TMEM135: variants seen among roughly 807,000 people sequenced by gnomAD.
The protein encoded by TMEM135 is peroxisomal membrane protein 52.
In TMEM135, 30 loss-of-function variants were observed where a neutral mutation model predicts 60.3. That is an observed-to-expected ratio of 0.50 (90% CI 0.37 to 0.68). The LOEUF (loss-of-function observed/expected upper bound fraction) is 0.68, where lower values mean the gene tolerates loss of function less well. TMEM135 is among the 30% of genes least tolerant of loss of function. The probability of loss-of-function intolerance (pLI) is 0.00; values close to 1 mark genes in which losing one functional copy is unlikely to be tolerated. For missense variants in TMEM135, 468 were observed against 548.8 expected, an observed-to-expected ratio of 0.85 and a Z score of 1.47; for synonymous variants, 190 against 186.7, an observed-to-expected ratio of 1.02 and a Z score of -0.14.
intron 11 of TMEM135, 134 bp from the exon 12 acceptor site, chr11:87,314,337 G>A: frequency 1.4e-6 from 1 of 737,580 alleles, no homozygotes; most frequent in Admixed American, 2.1e-5. Context: ...ATGTCATCTG[G>A]TTTATTACTG....
At chr11:87,312,614 G>C in intron 10 of TMEM135, among the ~76,000 whole-genome samples, 1 of 151,866 alleles carries the variant, frequency 6.6e-6, no homozygotes, top group Non-Finnish European at 1.5e-5. Context: ...ATATATAAAT[G>C]AACAAGTGTG....
intron 5 of TMEM135, among the ~76,000 whole-genome samples, chr11:87,204,991 A>G (rs1371780969): frequency 6.6e-6 from 1 of 152,146 alleles, no homozygotes; most frequent in Non-Finnish European, 1.5e-5. Context: ...CTCAGATAAT[A>G]CTTAATGTTC....
intron 8 of TMEM135, 131 bp downstream of exon 8, chr11:87,302,573 T>C: frequency 8.3e-7 from 1 of 1,203,278 alleles, no homozygotes; most frequent in Non-Finnish European, 1.2e-6. Context: ...GTGCATAGAA[T>C]TTTATAAAAG....
At chr11:87,204,926 C>T (rs1179134720) in intron 5 of TMEM135, among the ~76,000 whole-genome samples, 2 of 152,066 alleles carry the variant, frequency 1.3e-5, no homozygotes, top group African/African-American at 2.4e-5. Context: ...CAAAAATTCC[C>T]TTTATATTCT....
At chr11:87,119,885 T>TAAA (rs1230664977) in intron 4 of TMEM135, among the ~76,000 whole-genome samples, 1 of 149,010 alleles carries the variant, frequency 6.7e-6, no homozygotes, top group African/African-American at 2.5e-5. Context: ...TTTACTTTTT[T>TAAA]AAAAAAAAAA....
chr11:87,138,150 G>GTA (rs996161876), intron 4 of TMEM135, among the ~76,000 whole-genome samples: 31 of 150,262 alleles, frequency 2.1e-4, no homozygotes, highest in Middle Eastern at 3.4e-3. Context: ...GAGTGCAGTG[G>GTA]TATGATCTCA....
chr11:87,187,798 A>G (rs1386758370), intron 5 of TMEM135, among the ~76,000 whole-genome samples: 1 of 152,164 alleles, frequency 6.6e-6, no homozygotes. Context: ...AATTACAACA[A>G]CTTCTTGTTG....
At chr11:87,255,017 A>G (rs548972880) in intron 6 of TMEM135, among the ~76,000 whole-genome samples, 1 of 152,260 alleles carries the variant, frequency 6.6e-6, no homozygotes, top group East Asian at 1.9e-4. Flanking sequence ...AATACTACAA[A>G]TTGAGGAGCC....
At chr11:87,096,202 C>A in intron 4 of TMEM135, 2 of 303,910 alleles carry the variant, frequency 6.6e-6, no homozygotes, top group South Asian at 7.4e-5. Context: ...TTAAACTCTT[C>A]TACAAATTCT....
At chr11:87,084,901 A>G (rs1354318148) in intron 3 of TMEM135, among the ~76,000 whole-genome samples, 3 of 152,184 alleles carry the variant, frequency 2.0e-5, no homozygotes, top group South Asian at 2.1e-4. Flanking sequence ...TTTCAGGCCT[A>G]TGCCATCATC....
chr11:87,125,389 A>G (rs1274308659), intron 4 of TMEM135, among the ~76,000 whole-genome samples: 7 of 152,210 alleles, frequency 4.6e-5, no homozygotes, highest in Admixed American at 4.6e-4. Flanking sequence ...TGGTCTGGAA[A>G]GGCCTCTCTG....
At chr11:87,242,930 G>A (rs1316317100) in intron 6 of TMEM135, among the ~76,000 whole-genome samples, 1 of 146,094 alleles carries the variant, frequency 6.8e-6, no homozygotes, top group Admixed American at 6.8e-5. Flanking sequence ...CCTTGCCCAT[G>A]CCTATGTCCT....
At chr11:87,183,135 A>ATTTTTTTTTTTTTTTTTT in intron 5 of TMEM135, among the ~76,000 whole-genome samples, 1 of 92,608 alleles carries the variant, frequency 1.1e-5, no homozygotes, top group Non-Finnish European at 2.0e-5. Flanking sequence ...GTAATCACTA[A>ATTTTTTTTTTTTTTTTTT]TTTTTTTTTT....
intron 3 of TMEM135, among the ~76,000 whole-genome samples, chr11:87,089,523 A>G (rs1251017700): frequency 2.0e-5 from 3 of 152,100 alleles, no homozygotes; most frequent in African/African-American, 7.2e-5. Flanking sequence ...AGCCTGAGTG[A>G]CAGAATGAGA....
intron 5 of TMEM135, among the ~76,000 whole-genome samples, chr11:87,199,925 A>G (rs1401771795): frequency 1.3e-5 from 2 of 152,164 alleles, no homozygotes; most frequent in Non-Finnish European, 2.9e-5. Flanking sequence ...GCAAGACTCC[A>G]TCTCATAAAT....
rs543199212 is a variant in TMEM135 at position 87,191,548 on chromosome 11, C to T, written c.462+34142C>T. Among the ~76,000 whole-genome samples the T allele has an allele frequency of 6.6e-5, 10 of 152,082 alleles. 1 individual carries two copies. In the South Asian group the frequency reaches 1.7e-3, roughly 25 times the overall value. On this transcript the variant is annotated intron_variant, in intron 5 of 14. Coordinates refer to ENST00000305494, the MANE Select transcript of TMEM135 (RefSeq NM_022918.4). ...GAGCCACCATTCTATTCATTAGGAG[C>T]GATTCACTAAGTACAGTCAACACTT...
Position 87,328,541 on chromosome 11 carries a change from A to G in TMEM135, c.*7208A>G, listed in dbSNP as rs1163289918. ...TCCATAGTCCATTATATCACTCTGT[A>G]TACCCTTGTGTATCCATAGCTTAGC... On this transcript the variant is annotated 3_prime_UTR_variant, in exon 15 of 15. Transcript: ENST00000305494. 1 of 453,966 alleles carries G rather than the reference A, an allele frequency of 2.2e-6. No individual in the cohort carries two copies. The highest frequency in any genetic ancestry group is 4.4e-6 in the Non-Finnish European group (1 of 226,802). The allele number at this position is 453,966 out of a possible 1,614,324, so 28.1% of individuals were successfully genotyped here.
intron 1 of TMEM135, among the ~76,000 whole-genome samples, chr11:87,063,977 A>G (rs550785742): frequency 6.6e-6 from 1 of 152,290 alleles, no homozygotes; most frequent in South Asian, 2.1e-4. Flanking sequence ...GGAATTGCTG[A>G]GTTATGGGGT....
chr11:87,075,307 C>T (rs1043174859), intron 3 of TMEM135, among the ~76,000 whole-genome samples: 8 of 151,368 alleles, frequency 5.3e-5, no homozygotes, highest in Non-Finnish European at 1.2e-4. Flanking sequence ...TATAGGTGCC[C>T]GCCAGCTAAT....
Sources: allele counts gnomAD v4.1 joint callset (sites outside exome capture counted in the v4.1 genomes callset), GRCh38; gene constraint gnomAD v4.1.1; transcripts MANE v1.5; gene names NCBI Gene and HGNC (gene_info 2026-07-23, HGNC 2026-07-21).